The following KCNC2 variants were observed in gnomAD, a reference collection of about 807,000 sequenced individuals.
KCNC2 encodes the protein voltage-gated potassium channel KCNC2.
A neutral mutation model predicts 44.5 loss-of-function variants in KCNC2; 21 were observed. The observed-to-expected ratio is 0.47, with a 90% CI of 0.33 to 0.68. KCNC2 has a LOEUF of 0.68. Among genes scored for constraint, KCNC2 ranks in the 30% least tolerant of loss-of-function variants. The probability of loss-of-function intolerance (pLI) is 0.01; values close to 1 mark genes in which losing one functional copy is unlikely to be tolerated. For missense variants in KCNC2, 589 were observed against 826.2 expected, an observed-to-expected ratio of 0.71 and a Z score of 3.52; for synonymous variants, 391 against 339.1, an observed-to-expected ratio of 1.15 and a Z score of -1.68.
chr12:75,073,615 A>G (rs1008584563), intron 2 of KCNC2, among the ~76,000 whole-genome samples: 2 of 152,216 alleles, frequency 1.3e-5, no homozygotes, highest in Non-Finnish European at 2.9e-5. Flanking sequence ...ACTTAAGTTT[A>G]GGAGGCTGTG....
At chr12:75,174,439 A>C (rs745327177) in intron 2 of KCNC2, among the ~76,000 whole-genome samples, 2 of 152,008 alleles carry the variant, frequency 1.3e-5, no homozygotes, top group East Asian at 3.9e-4. Context: ...TGACACATAG[A>C]TTCCCCTATG....
At chr12:75,191,172 A>G (rs1442506581) in intron 2 of KCNC2, among the ~76,000 whole-genome samples, 1 of 151,970 alleles carries the variant, frequency 6.6e-6, no homozygotes, top group African/African-American at 2.4e-5. Flanking sequence ...AAGCTATAAA[A>G]TTACTTTTTG....
intron 2 of KCNC2, among the ~76,000 whole-genome samples, chr12:75,137,675 A>C (rs1255435363): frequency 6.6e-6 from 1 of 152,204 alleles, no homozygotes; most frequent in Non-Finnish European, 1.5e-5. Flanking sequence ...ATATTTCCGC[A>C]TGAGAAAAGC....
chr12:75,059,720 C>T (rs1882116507), intron 2 of KCNC2, among the ~76,000 whole-genome samples: 1 of 151,960 alleles, frequency 6.6e-6, no homozygotes, highest in South Asian at 2.1e-4. Context: ...AGTTAATCTT[C>T]AATACAATTG....
chr12:75,207,657 G>A lies in KCNC2; in HGVS notation c.327C>T (p.Gly109=), dbSNP rs145691120. 1 of 1,611,016 alleles carries A rather than the reference G, an allele frequency of 6.2e-7. No individual in the cohort carries two copies. Among genetic ancestry groups the A allele is most frequent in the African/African-American group, 1.3e-5 (1 of 74,828 alleles). The part of the protein sequence containing the change: ...GREFFFDRHP[G]VFAYVLNYYR... ...AGTAATTGAGCACATAGGCGAAGAC[G>A]CCCGGGTGCCGGTCGAAGAAGAACT... Residue 109 remains glycine (G), a synonymous_variant, in exon 2 of 5, where the codon GGC becomes GGT. Coordinates refer to ENST00000549446, the MANE Select transcript of KCNC2 (RefSeq NM_139137.4). The surrounding 1 kb of genome is among the most constrained non-coding windows in gnomAD (Gnocchi z 4.1).
chr12:75,105,761 G>T (rs1327955475), intron 2 of KCNC2, among the ~76,000 whole-genome samples: 2 of 152,096 alleles, frequency 1.3e-5, no homozygotes, highest in African/African-American at 4.8e-5. Flanking sequence ...GGAGGAGTTG[G>T]TTTAGAAATT....
intron 2 of KCNC2, among the ~76,000 whole-genome samples, chr12:75,137,295 C>A (rs1889302157): frequency 6.6e-6 from 1 of 152,100 alleles, no homozygotes; most frequent in Non-Finnish European, 1.5e-5. Context: ...TCTAAGAAAT[C>A]TCATATAATT....
intron 2 of KCNC2, among the ~76,000 whole-genome samples, chr12:75,178,934 A>T (rs569573695): frequency 6.6e-6 from 1 of 152,142 alleles, no homozygotes; most frequent in South Asian, 2.1e-4. Flanking sequence ...GGTAATAACT[A>T]CCCAGTAGAT....
At chr12:75,093,259 T>TC in intron 2 of KCNC2, among the ~76,000 whole-genome samples, 1 of 151,754 alleles carries the variant, frequency 6.6e-6, no homozygotes, top group East Asian at 1.9e-4. Flanking sequence ...GAATCTGTTC[T>TC]CCTTTATCAC....
intron 2 of KCNC2, among the ~76,000 whole-genome samples, chr12:75,066,303 A>G (rs1882827670): frequency 6.6e-6 from 1 of 152,190 alleles, no homozygotes; most frequent in South Asian, 2.1e-4. Flanking sequence ...AGCTTGAGCT[A>G]TACAAAGTGC....
intron 2 of KCNC2, among the ~76,000 whole-genome samples, chr12:75,148,774 C>T (rs2446310): frequency 0.62 from 93,678 of 151,746 alleles, 31,118 homozygotes; most frequent in African/African-American, 0.87. Flanking sequence ...TTTGGCTTCA[C>T]ATTACCTAAT....
intron 2 of KCNC2, among the ~76,000 whole-genome samples, chr12:75,054,395 T>A (rs1212944891): frequency 3.9e-5 from 6 of 152,084 alleles, no homozygotes; most frequent in African/African-American, 1.4e-4. Context: ...TGAGGTTGAA[T>A]TCTGAAGAGG....
At chr12:75,126,713 T>C (rs1169467643) in intron 2 of KCNC2, among the ~76,000 whole-genome samples, 5 of 152,136 alleles carry the variant, frequency 3.3e-5, no homozygotes, top group Non-Finnish European at 7.4e-5. Flanking sequence ...CTTAAGATTT[T>C]AAATCTTATC....
At chr12:75,054,104 T>A (rs979823867) in intron 2 of KCNC2, among the ~76,000 whole-genome samples, 13 of 151,672 alleles carry the variant, frequency 8.6e-5, no homozygotes, top group South Asian at 4.1e-4. Context: ...ATGCCTGTAA[T>A]CCCAGCTACT....
rs946978916 is a variant in KCNC2 at position 75,040,720 on chromosome 12, A to G, written c.*2385T>C. ...CAGTAATTTATAAGAAAATTATACA[A>G]TCAAGTTCATAGATTCAACCAAAGA... is the stretch of plus-strand genomic sequence containing the variant. On this transcript the variant is annotated 3_prime_UTR_variant, in exon 5 of 5. Transcript: ENST00000549446. 1.8e-5 allele frequency: 3 copies of G among 169,384 alleles called. No homozygotes were observed. Among genetic ancestry groups the G allele is most frequent in the African/African-American group, 7.1e-5 (3 of 42,132 alleles). 10.5% of individuals were successfully genotyped at this position (169,384 alleles called of 1,614,324 possible). A position where few individuals can be genotyped will look rare whatever the true frequency, so the allele number is the denominator to read the frequency against.
At chr12:75,156,629 C>T (rs1033214200) in intron 2 of KCNC2, among the ~76,000 whole-genome samples, 1 of 151,674 alleles carries the variant, frequency 6.6e-6, no homozygotes, top group Non-Finnish European at 1.5e-5. Context: ...TAAATGATGC[C>T]TACCGTTGAA....
At chr12:75,182,988 C>T (rs1892706158) in intron 2 of KCNC2, among the ~76,000 whole-genome samples, 1 of 152,180 alleles carries the variant, frequency 6.6e-6, no homozygotes, top group Admixed American at 6.5e-5. Flanking sequence ...AGCCTAACAG[C>T]AGAAGAGGGA....
chr12:75,203,155 C>G (rs1476985974), intron 2 of KCNC2, among the ~76,000 whole-genome samples: 2 of 151,792 alleles, frequency 1.3e-5, no homozygotes, highest in East Asian at 3.9e-4. Flanking sequence ...ATATATGATT[C>G]AAATTGTTCC....
chr12:75,139,750 T>C (rs984924345), intron 2 of KCNC2, among the ~76,000 whole-genome samples: 3 of 152,248 alleles, frequency 2.0e-5, no homozygotes, highest in Admixed American at 1.3e-4. Context: ...TTTGTCTTTT[T>C]TTAAATTTCT....
Sources: allele counts gnomAD v4.1 joint callset (sites outside exome capture counted in the v4.1 genomes callset), GRCh38; gene constraint gnomAD v4.1.1; non-coding constraint Gnocchi (gnomAD v3.1); transcripts MANE v1.5; gene names NCBI Gene and HGNC (gene_info 2026-07-23, HGNC 2026-07-21).